The following SLC22A2 variants were observed in gnomAD, a reference collection of about 807,000 sequenced individuals.
The protein encoded by SLC22A2 is organic cation transporter 2.
A neutral mutation model predicts 60.5 loss-of-function variants in SLC22A2; 46 were observed. The observed-to-expected ratio is 0.76, with a 90% CI of 0.60 to 0.97. SLC22A2 has a LOEUF of 0.97. Among genes scored for constraint, SLC22A2 ranks in the 50% least tolerant of loss-of-function variants. The pLI, the probability that SLC22A2 is intolerant of heterozygous loss-of-function variation, is 0.00. For synonymous variants in SLC22A2, 303 were observed against 267.0 expected, an observed-to-expected ratio of 1.13 and a Z score of -1.31; for missense variants, 701 against 706.6, an observed-to-expected ratio of 0.99 and a Z score of 0.09.
At chr6:160,245,694 A>T (rs1335851572) in intron 5 of SLC22A2, 149 bp from the exon 6 acceptor site, 161 of 163,826 alleles carry the variant, frequency 9.8e-4, no homozygotes, top group Middle Eastern at 2.0e-3. Context: ...GTCCCATTTC[A>T]TTTTTTTTTT....
chr6:160,242,434 C>T (rs2114863513), intron 7 of SLC22A2, 32 bp from the exon 8 acceptor site: 1 of 1,158,678 alleles, frequency 8.6e-7, no homozygotes, highest in South Asian at 1.2e-5. Context: ...CTTATCCGTA[C>T]ACAGATGATT....
At chr6:160,241,890 TA>T (rs1783010124) in intron 8 of SLC22A2, among the ~76,000 whole-genome samples, 1 of 152,024 alleles carries the variant, frequency 6.6e-6, no homozygotes. Context: ...TATATATATA[TA>T]TATACATAAT....
chr6:160,243,604 GC>G lies in SLC22A2; in HGVS notation c.1246del (p.Ala416GlnfsTer16). 1 of 1,613,986 alleles carries G rather than the reference GC, an allele frequency of 6.2e-7. No homozygotes were observed. The highest frequency in any genetic ancestry group is 8.5e-7 in the Non-Finnish European group (1 of 1,179,916). ...TATAAAAACTGAGGCCAGACAGGCT[GC>G]CCCTGCAACCATATTTGATGCAGCC... ...PWAASNMVAG[A>X]ACLASVFIPG... On this transcript the variant is annotated frameshift_variant, in exon 7 of 11. Coordinates refer to ENST00000366953, the MANE Select transcript of SLC22A2 (RefSeq NM_003058.4). LOFTEE classifies it high-confidence loss of function.
At chr6:160,247,132 A>T in intron 5 of SLC22A2, 52 bp downstream of exon 5, 1 of 1,057,278 alleles carries the variant, frequency 9.5e-7, no homozygotes, top group Non-Finnish European at 1.5e-6. Flanking sequence ...GAATCTTACC[A>T]GAGCCTCCCT....
chr6:160,237,158 T>G (rs986771447), intron 9 of SLC22A2, among the ~76,000 whole-genome samples: 25 of 152,094 alleles, frequency 1.6e-4, no homozygotes, highest in African/African-American at 5.6e-4. Flanking sequence ...TTCCAACGAG[T>G]GATTCCTGCA....
intron 4 of SLC22A2, among the ~76,000 whole-genome samples, chr6:160,247,663 G>A (rs764319909): frequency 6.6e-6 from 1 of 152,208 alleles, no homozygotes; most frequent in African/African-American, 2.4e-5. Context: ...TGGGGAGCAA[G>A]TATGTATATG....
chr6:160,250,648 T>A lies in SLC22A2; in HGVS notation c.573A>T (p.Gly191=). The A allele has an allele frequency of 6.2e-7, 1 of 1,614,098 alleles. No individual in the cohort carries two copies. Among genetic ancestry groups the A allele is most frequent in the Non-Finnish European group, 8.5e-7 (1 of 1,179,968 alleles). The change falls in exon 3 of 11, where the codon GGA becomes GGT. Residue 191 remains glycine, a synonymous_variant. Transcript: ENST00000366953. ...LTTVLINAAA[G]VLMAISPTYT... ...AGGTTGGGGAAATGGCCATGAGAAC[T>A]CCAGCTGCAGCATTTATGAGGACTG...
intron 9 of SLC22A2, among the ~76,000 whole-genome samples, chr6:160,226,326 T>A (rs574557467): frequency 1.3e-5 from 2 of 152,312 alleles, no homozygotes; most frequent in South Asian, 4.1e-4. Context: ...GAGACTGATT[T>A]GAGTAATAAT....
chr6:160,247,280 G>T lies in SLC22A2; in HGVS notation c.861C>A (p.Pro287=). The T allele has an allele frequency of 6.2e-7, 1 of 1,607,068 alleles. No individual in the cohort carries two copies. Among genetic ancestry groups the T allele is most frequent in the Non-Finnish European group, 8.5e-7 (1 of 1,173,624 alleles). Residue 287 remains proline, a synonymous_variant, in exon 5 of 11, where the codon CCC becomes CCA. Coordinates refer to ENST00000366953, the MANE Select transcript of SLC22A2 (RefSeq NM_003058.4). ...LLYYWCIPES[P]RWLISQNKNA... The stretch of plus-strand genomic sequence containing the variant: ...TCTTATTCTGGGAGATCAGCCACCT[G>T]GGAGACTCAGGTATGCACCTAGGGT...
intron 5 of SLC22A2, 26 bp downstream of exon 5, chr6:160,247,158 A>T: frequency 7.7e-7 from 1 of 1,297,186 alleles, no homozygotes; most frequent in Non-Finnish European, 1.1e-6. Flanking sequence ...CCATCCCCTG[A>T]TTTGATACTT....
chr6:160,245,671 C>G, intron 5 of SLC22A2, 126 bp from the exon 6 acceptor site: 1 of 435,298 alleles, frequency 2.3e-6, no homozygotes, highest in Non-Finnish European at 4.1e-6. Flanking sequence ...AGAGCAAGCA[C>G]TTTCCATACT....
intron 2 of SLC22A2, among the ~76,000 whole-genome samples, chr6:160,253,598 T>C (rs1783221924): frequency 6.6e-6 from 1 of 152,238 alleles, no homozygotes; most frequent in Admixed American, 6.5e-5. Flanking sequence ...AGTAGGGTGC[T>C]GGCTCTTAAG....
At chr6:160,250,432 AT>A (rs1371798048) in intron 3 of SLC22A2, 115 bp downstream of exon 3, 4 of 923,870 alleles carry the variant, frequency 4.3e-6, no homozygotes, top group Admixed American at 1.8e-5. Flanking sequence ...AAATAAAAAA[AT>A]CTCTCAATAT....
rs534720462 is a variant in SLC22A2, at chr6:160,241,663, C to A, written c.1389-77G>T. 348 of 881,608 alleles carry A rather than the reference C, an allele frequency of 3.9e-4. 5 individuals carry two copies. In the African/African-American group the frequency reaches 5.1e-3, roughly 13 times the overall value. The allele number at this position is 881,608 out of a possible 1,614,324, so 54.6% of individuals were successfully genotyped here. A position where few individuals can be genotyped will look rare whatever the true frequency, so the allele number is the denominator to read the frequency against. ...TATCTCCCATCCACCCCTGAATAAA[C>A]ACTTCCTCAAATAATTAAAATGTTC... On this transcript the variant is annotated intron_variant, in intron 8 of 10. Transcript: ENST00000366953.
At chr6:160,250,281 T>C (rs1226062474) in intron 3 of SLC22A2, among the ~76,000 whole-genome samples, 6 of 152,186 alleles carry the variant, frequency 3.9e-5, no homozygotes, top group Non-Finnish European at 8.8e-5. Context: ...TACTCCAGGG[T>C]ACAGAAAACA....
intron 5 of SLC22A2, among the ~76,000 whole-genome samples, chr6:160,245,861 C>CTTT (rs531474202): frequency 8.2e-6 from 1 of 122,266 alleles, no homozygotes; most frequent in Non-Finnish European, 1.7e-5. Flanking sequence ...CAATGCCCAG[C>CTTT]TTTTTTTTTT....
In SLC22A2 at chr6:160,248,919, G is replaced by A. The variant is rs116520338; in HGVS notation, c.842+297C>T. Among the ~76,000 whole-genome samples, 1,287 of 152,302 alleles carry A rather than the reference G, an allele frequency of 8.5e-3. 19 individuals carry two copies. Among genetic ancestry groups the A allele is most frequent in the Middle Eastern group, 0.034 (10 of 294 alleles). On this transcript the variant is annotated intron_variant, in intron 4 of 10. Transcript: ENST00000366953. ...TTTCAGTCTCTTCAAAGGGTCTACCGTCCAAATTGTACCACAGCTCCTAGA... is the reference window on the plus strand; with the variant it reads ...TTTCAGTCTCTTCAAAGGGTCTACCATCCAAATTGTACCACAGCTCCTAGA...
intron 9 of SLC22A2, among the ~76,000 whole-genome samples, chr6:160,239,029 G>C (rs974746481): frequency 1.3e-5 from 2 of 152,098 alleles, no homozygotes; most frequent in Admixed American, 6.6e-5. Flanking sequence ...GGGTCACAAA[G>C]ACCTTGGTGA....
Position 160,258,748 on chromosome 6 carries a change from T to G in SLC22A2, c.10A>C (p.Thr4Pro). 1 of 1,554,148 alleles carries G rather than the reference T, an allele frequency of 6.4e-7. No individual in the cohort carries two copies. The highest frequency in any genetic ancestry group is 8.7e-7 in the Non-Finnish European group (1 of 1,148,018). ...CCATGCTCCAGGACATCGTCCACGG[T>G]GGTGGGCATGATCCTGCAGGCAGGA... The part of the protein sequence containing the change: MPT[T>P]VDDVLEHGGE... The change falls in exon 1 of 11, where the codon ACC (threonine) becomes CCC (proline). Residue 4 changes from threonine to proline, a missense_variant. By Grantham distance (38) the Thr-to-Pro change is conservative. Coordinates refer to ENST00000366953, the MANE Select transcript of SLC22A2 (RefSeq NM_003058.4).
Sources: allele counts gnomAD v4.1 joint callset (sites outside exome capture counted in the v4.1 genomes callset), GRCh38; gene constraint gnomAD v4.1.1; transcripts MANE v1.5; gene names NCBI Gene and HGNC (gene_info 2026-07-23, HGNC 2026-07-21).